Variants in C16orf89 observed in about 807,000 individuals in gnomAD.
C16orf89 encodes the protein UPF0764 protein C16orf89.
Under a neutral mutation model 41.5 loss-of-function variants are expected in C16orf89, and 57 were observed. The ratio of observed to expected loss-of-function variants is 1.38; its 90% CI spans 1.11 to 1.71. C16orf89 has a LOEUF of 1.71. C16orf89 is among the 40% of genes most tolerant of loss of function. The probability of loss-of-function intolerance (pLI) is 0.00; values close to 1 mark genes in which losing one functional copy is unlikely to be tolerated. For synonymous variants in C16orf89, 223 were observed against 190.6 expected, an observed-to-expected ratio of 1.17 and a Z score of -1.40; for missense variants, 575 against 445.9, an observed-to-expected ratio of 1.29 and a Z score of -2.61.
At chr16:5,055,732 G>T (rs562404040) in intron 5 of C16orf89, 1 of 1,518,518 alleles carries the variant, frequency 6.6e-7, no homozygotes, top group Non-Finnish European at 8.8e-7. Flanking sequence ...GCCTTTGGGG[G>T]CAGGAAACTG....
rs1179400425 is a variant in C16orf89 at position 5,060,305 on chromosome 16, C to T, written c.490G>A (p.Val164Met). 6.2e-7 allele frequency: 1 copy of T among 1,610,776 alleles called. No homozygotes were observed. The highest frequency in any genetic ancestry group is 1.7e-5 in the Admixed American group (1 of 59,532). Residue 164 changes from valine (V) to methionine (M), a missense_variant, in exon 3 of 8, where the codon GTG (valine) becomes ATG (methionine). Physicochemically the swap from Val to Met is conservative, Grantham distance 21. Transcript: ENST00000472572. ...GCCCACCCGGTTCCCAGCAGCTGCA[C>T]CAGGCACACGTCACTTCTCTCCTCT... The part of the protein sequence containing the change: ...FSEERSDVCL[V>M]QLLGTGTDSS...
At chr16:5,057,932 C>T (rs1956543679) in intron 4 of C16orf89, among the ~76,000 whole-genome samples, 1 of 152,054 alleles carries the variant, frequency 6.6e-6, no homozygotes, top group Admixed American at 6.6e-5. Flanking sequence ...TCCAGTTCAG[C>T]AGGCAAAGCT....
chr16:5,048,916 T>G (rs1022437076), intron 6 of C16orf89, among the ~76,000 whole-genome samples: 3 of 151,938 alleles, frequency 2.0e-5, no homozygotes, highest in African/African-American at 7.3e-5. Context: ...TTAAAAGATA[T>G]ATAGAGTGGC....
chr16:5,065,924 A>C lies in C16orf89; in HGVS notation c.-16T>G. The C allele has an allele frequency of 1.2e-6, 2 of 1,610,552 alleles. No individual in the cohort carries two copies. Among genetic ancestry groups the C allele is most frequent in the Non-Finnish European group, 1.7e-6 (2 of 1,178,750 alleles). On this transcript the variant is annotated 5_prime_UTR_variant, in exon 1 of 8. Transcript: ENST00000472572. ...GGCTGGCCATGGCCGGCCTCTGCTCACTGCTGGTCACACGCTCAGCACCCT... is the reference window on the plus strand; with the variant it reads ...GGCTGGCCATGGCCGGCCTCTGCTCCCTGCTGGTCACACGCTCAGCACCCT...
At chr16:5,058,919 C>T (rs1470527902) in intron 3 of C16orf89, among the ~76,000 whole-genome samples, 1 of 152,058 alleles carries the variant, frequency 6.6e-6, no homozygotes, top group Non-Finnish European at 1.5e-5. Flanking sequence ...ACCCAGACCA[C>T]TTGGAATCTG....
chr16:5,062,195 C>G (rs934299643), intron 2 of C16orf89, among the ~76,000 whole-genome samples: 1 of 152,194 alleles, frequency 6.6e-6, no homozygotes, highest in Non-Finnish European at 1.5e-5. Context: ...AGAAGACACC[C>G]TGCTTCCTCT....
intron 5 of C16orf89, chr16:5,055,606 A>G: frequency 1.4e-6 from 2 of 1,386,578 alleles, no homozygotes; most frequent in Non-Finnish European, 1.9e-6. Flanking sequence ...AGGAGTTTGG[A>G]CACCCCAGCC....
chr16:5,050,256 T>A (rs937853469), intron 6 of C16orf89, among the ~76,000 whole-genome samples: 2 of 151,960 alleles, frequency 1.3e-5, no homozygotes, highest in African/African-American at 4.8e-5. Flanking sequence ...TAATTCCAGC[T>A]ACTTGGGAGG....
intron 2 of C16orf89, among the ~76,000 whole-genome samples, chr16:5,061,481 T>A (rs1238710369): frequency 7.1e-4 from 1 of 1,416 alleles, no homozygotes; most frequent in Non-Finnish European, 1.6e-3. Flanking sequence ...TGAGACACTG[T>A]CTCAAAAAAA....
rs373125840 is a variant in C16orf89 at position 5,058,529 on chromosome 16, C to G, written c.591G>C (p.Leu197=). 2.5e-6 allele frequency: 4 copies of G among 1,612,342 alleles called. No homozygotes were observed. Among genetic ancestry groups the G allele is most frequent in the Non-Finnish European group, 3.4e-6 (4 of 1,179,596 alleles). The stretch of plus-strand genomic sequence containing the variant: ...AGAGGAAGAAGAGCAGTTGGTGGGA[C>G]AGGCAGTAGCCTGAGCAGCCGGGCT... ...MTKPGCSGYC[L]SHQLLFFLWA... The change falls in exon 4 of 8, where the codon CTG becomes CTC. Residue 197 remains leucine, a synonymous_variant. Transcript: ENST00000472572.
chr16:5,044,611 G>A (rs777466700), intron 7 of C16orf89, 133 bp from the exon 8 acceptor site: 6 of 1,488,996 alleles, frequency 4.0e-6, no homozygotes, highest in Non-Finnish European at 5.4e-6. Context: ...GGAGCCTGAG[G>A]TGGGCGGATC....
At chr16:5,054,846 C>T (rs1475334522) in intron 6 of C16orf89, among the ~76,000 whole-genome samples, 1 of 152,224 alleles carries the variant, frequency 6.6e-6, no homozygotes, top group Non-Finnish European at 1.5e-5. Flanking sequence ...TTGTCTGCCA[C>T]TATGTGAGAC....
At position 5,055,813 on chromosome 16, in the gene C16orf89, T is replaced by A. The variant is rs1006727820; in HGVS notation, c.763+240A>T. 3 of 1,427,522 alleles carry A rather than the reference T, an allele frequency of 2.1e-6. No individual in the cohort carries two copies. In the African/African-American group the frequency reaches 4.2e-5, roughly 20 times the overall value. 88.4% of individuals were successfully genotyped at this position (1,427,522 alleles called of 1,614,324 possible). A position where few individuals can be genotyped will look rare whatever the true frequency, so the allele number is the denominator to read the frequency against. ...TTTTCGATAAACAATGAATATAATT[T>A]TTGAGTGTAAGTATATCCCATGAAA... On this transcript the variant is annotated intron_variant, in intron 5 of 7. Transcript: ENST00000472572.
intron 2 of C16orf89, 96 bp downstream of exon 2, chr16:5,062,329 C>T (rs1226913558): frequency 7.0e-7 from 1 of 1,421,882 alleles, no homozygotes; most frequent in Non-Finnish European, 9.4e-7. Flanking sequence ...CTGTCCCAGC[C>T]CAGCCTTGCC....
chr16:5,044,743 A>G (rs1247947476), intron 7 of C16orf89: 1 of 1,031,054 alleles, frequency 9.7e-7, no homozygotes, highest in South Asian at 1.4e-5. Flanking sequence ...ACTCGGGAGG[A>G]TGAGGCAAGA....
In C16orf89 at chr16:5,044,401, G is replaced by T; in HGVS notation, c.1033C>A (p.Pro345Thr). 1 of 1,612,698 alleles carries T rather than the reference G, an allele frequency of 6.2e-7. No homozygotes were observed. The highest frequency in any genetic ancestry group is 1.1e-5 in the South Asian group (1 of 90,982). Residue 345 changes from proline (P) to threonine (T), a missense_variant, in exon 8 of 8, where the codon CCA (proline) becomes ACA (threonine). By Grantham distance (38) the Pro-to-Thr change is conservative. Transcript: ENST00000472572. The stretch of plus-strand genomic sequence containing the variant: ...GATGGGTGTGGCTCTCTGTTTGCTG[G>T]GGGGTATTCTGCCAGGATGTATAGG... ...GFLYILAEYP[P>T]ANREPHPSTP... is the part of the protein sequence containing the mutation.
At position 5,056,637 on chromosome 16, in the gene C16orf89, G is replaced by T. The variant is rs113456156; in HGVS notation, c.628-449C>A. Reference sequence around the variant, plus strand: ...AGCTTCAGTGCTACTCAAAGTGTGGGCCAAGAACCGGGCTGGTGACTCCCC... The same window carrying T: ...AGCTTCAGTGCTACTCAAAGTGTGGTCCAAGAACCGGGCTGGTGACTCCCC... On this transcript the variant is annotated intron_variant, in intron 4 of 7. Transcript: ENST00000472572. Among the ~76,000 whole-genome samples the T allele has an allele frequency of 9.1e-3, 1,379 of 152,204 alleles. 15 individuals are homozygous for T. The highest frequency in any genetic ancestry group is 0.037 in the East Asian group (192 of 5,168).
Position 5,055,559 on chromosome 16 carries a change from G to A in C16orf89, c.764-209C>T, listed in dbSNP as rs564079785. 57 of 1,097,956 alleles carry A rather than the reference G, an allele frequency of 5.2e-5. 1 individual carries two copies. The East Asian group carries it at 1.4e-3, about 27-fold the overall frequency. 68.0% of individuals were successfully genotyped at this position (1,097,956 alleles called of 1,614,324 possible). A position where few individuals can be genotyped will look rare whatever the true frequency, so the allele number is the denominator to read the frequency against. On this transcript the variant is annotated intron_variant, in intron 5 of 7. Coordinates refer to ENST00000472572, the MANE Select transcript of C16orf89 (RefSeq NM_001098514.3). ...GCTTGTGTCCCGCCTCCCACTGAGG[G>A]CCTTGGTCAGGGCTGCTCCAAAGTC...
rs760934059 is a variant in C16orf89 at position 5,056,174 on chromosome 16, C to T, written c.642G>A (p.Gln214=). 23 of 1,590,066 alleles carry T rather than the reference C, an allele frequency of 1.4e-5. No homozygotes were observed. Among genetic ancestry groups the T allele is most frequent in the Non-Finnish European group, 2.0e-5 (23 of 1,159,754 alleles). The change falls in exon 5 of 8, where the codon CAG becomes CAA. Residue 214 remains glutamine (Q), a synonymous_variant. Transcript: ENST00000472572. ...FLWARMRGCT[Q]GPLQQSQDYI... is the part of the protein sequence containing the mutation. ...AGTCCTGGCTCTGTTGGAGTGGTCC[C>T]TGTGTGCACCCCCTCTGGGGAGACA...
Sources: gnomAD v4.1 joint callset for allele counts (sites outside exome capture counted in the v4.1 genomes callset) on GRCh38, gnomAD v4.1.1 for gene constraint, MANE v1.5 for transcripts, NCBI Gene and HGNC (gene_info 2026-07-23, HGNC 2026-07-21) for gene names.